L3MBTL4: variants seen among roughly 807,000 people sequenced by gnomAD.
The protein encoded by L3MBTL4 is lethal(3)malignant brain tumor-like protein 4.
Under a neutral mutation model 84.5 loss-of-function variants are expected in L3MBTL4, and 70 were observed. The ratio of observed to expected loss-of-function variants is 0.83; its 90% CI spans 0.68 to 1.01. The LOEUF is 1.01. Ranked by LOEUF, L3MBTL4 falls within the 50% of genes least tolerant of loss-of-function variation. The pLI, the probability that L3MBTL4 is intolerant of heterozygous loss-of-function variation, is 0.00. For missense variants in L3MBTL4, 715 were observed against 754.8 expected, an observed-to-expected ratio of 0.95 and a Z score of 0.62; for synonymous variants, 274 against 259.8, an observed-to-expected ratio of 1.05 and a Z score of -0.52.
intron 16 of L3MBTL4, chr18:6,031,137 A>C (rs2055779702): frequency 1.0e-6 from 1 of 985,324 alleles, no homozygotes; most frequent in African/African-American, 1.7e-5. Context: ...TCCAAGTTCT[A>C]AACCCAGCTC....
At chr18:6,106,277 C>A (rs2059003524) in intron 14 of L3MBTL4, among the ~76,000 whole-genome samples, 1 of 152,288 alleles carries the variant, frequency 6.6e-6, no homozygotes, top group Non-Finnish European at 1.5e-5. Flanking sequence ...ACACCTGGCA[C>A]AATGCCTTGT....
chr18:6,032,445 G>C (rs1036871543), intron 16 of L3MBTL4, among the ~76,000 whole-genome samples: 1 of 151,620 alleles, frequency 6.6e-6, no homozygotes, highest in African/African-American at 2.4e-5. Context: ...CAGGTCGAGG[G>C]GGGCAGAACT....
intron 1 of L3MBTL4, among the ~76,000 whole-genome samples, chr18:6,377,834 A>G (rs544580461): frequency 6.6e-6 from 1 of 152,320 alleles, no homozygotes; most frequent in East Asian, 1.9e-4. Flanking sequence ...TTGAGTATAT[A>G]CCCAGTAATG....
intron 13 of L3MBTL4, among the ~76,000 whole-genome samples, chr18:6,154,156 A>G (rs2043005428): frequency 6.6e-6 from 1 of 152,156 alleles, no homozygotes; most frequent in East Asian, 1.9e-4. Flanking sequence ...TATCTGGATG[A>G]TCTATCCACT....
intron 16 of L3MBTL4, chr18:6,046,830 C>G: frequency 1.3e-6 from 1 of 741,026 alleles, no homozygotes; most frequent in Non-Finnish European, 2.5e-6. Context: ...AATCTAATAT[C>G]ACATCTAGAG....
At chr18:6,242,843 C>T (rs960431632) in intron 7 of L3MBTL4, among the ~76,000 whole-genome samples, 1 of 152,168 alleles carries the variant, frequency 6.6e-6, no homozygotes, top group Non-Finnish European at 1.5e-5. Flanking sequence ...TCATTCCCAT[C>T]GAAAGAAAAT....
chr18:6,384,864 G>A (rs1460053135), intron 1 of L3MBTL4, among the ~76,000 whole-genome samples: 2 of 152,172 alleles, frequency 1.3e-5, no homozygotes, highest in African/African-American at 4.8e-5. Context: ...GGGACAAGAA[G>A]AGCAAGAGGT....
chr18:6,369,504 T>C (rs1332322558), intron 1 of L3MBTL4, among the ~76,000 whole-genome samples: 2 of 152,078 alleles, frequency 1.3e-5, no homozygotes, highest in Non-Finnish European at 2.9e-5. Context: ...AAGGAGAATA[T>C]TTAGAAGGGA....
At chr18:6,343,951 A>G (rs1002626827) in intron 1 of L3MBTL4, among the ~76,000 whole-genome samples, 2 of 151,250 alleles carry the variant, frequency 1.3e-5, no homozygotes, top group African/African-American at 2.4e-5. Context: ...CAAAATAAGA[A>G]TGATGTCAAA....
intron 4 of L3MBTL4, among the ~76,000 whole-genome samples, chr18:6,286,912 AAGG>A (rs1341512222): frequency 1.3e-5 from 2 of 152,240 alleles, no homozygotes; most frequent in East Asian, 1.9e-4. Context: ...CTCTGTTCAC[AAGG>A]GTTCTTTTCA....
intron 3 of L3MBTL4, among the ~76,000 whole-genome samples, chr18:6,305,459 C>T (rs2050540709): frequency 6.6e-6 from 1 of 152,098 alleles, no homozygotes; most frequent in African/African-American, 2.4e-5. Flanking sequence ...TATTAATGAA[C>T]AGAGAGTGAA....
At chr18:6,118,373 T>C (rs2059423503) in intron 14 of L3MBTL4, among the ~76,000 whole-genome samples, 1 of 152,102 alleles carries the variant, frequency 6.6e-6, no homozygotes, top group African/African-American at 2.4e-5. Context: ...CTCAACTGGA[T>C]CCAGAGATGT....
intron 13 of L3MBTL4, among the ~76,000 whole-genome samples, chr18:6,163,332 C>T (rs969675736): frequency 1.4e-5 from 2 of 139,804 alleles, no homozygotes; most frequent in Non-Finnish European, 3.0e-5. Flanking sequence ...TTTGCTTTCA[C>T]AATAGGGGCA....
intron 16 of L3MBTL4, among the ~76,000 whole-genome samples, chr18:6,019,461 A>G (rs909717489): frequency 1.3e-5 from 2 of 152,230 alleles, no homozygotes; most frequent in Admixed American, 1.3e-4. Flanking sequence ...TTTTAGTCAC[A>G]TTCAAGAAAT....
At chr18:6,191,569 G>A (rs1488868805) in intron 12 of L3MBTL4, among the ~76,000 whole-genome samples, 1 of 152,170 alleles carries the variant, frequency 6.6e-6, no homozygotes, top group African/African-American at 2.4e-5. Flanking sequence ...GACTGATATA[G>A]GAGTTTGCAG....
At chr18:6,276,469 G>A (rs2146529697) in intron 4 of L3MBTL4, among the ~76,000 whole-genome samples, 1 of 152,240 alleles carries the variant, frequency 6.6e-6, no homozygotes, top group East Asian at 1.9e-4. Flanking sequence ...GGAGGAACTA[G>A]ATAACTATCA....
intron 16 of L3MBTL4, among the ~76,000 whole-genome samples, chr18:6,011,439 A>G (rs2054733364): frequency 6.6e-6 from 1 of 152,214 alleles, no homozygotes; most frequent in Non-Finnish European, 1.5e-5. Flanking sequence ...TATGGAATTC[A>G]AGGGAAAATT....
At chr18:6,041,175 G>A (rs963753674) in intron 16 of L3MBTL4, among the ~76,000 whole-genome samples, 25 of 152,312 alleles carry the variant, frequency 1.6e-4, no homozygotes, top group Admixed American at 5.9e-4. Flanking sequence ...AGATGGGGGC[G>A]GACTGCCCAG....
chr18:6,391,543 A>T (rs1366752413), intron 1 of L3MBTL4, among the ~76,000 whole-genome samples: 1 of 152,072 alleles, frequency 6.6e-6, no homozygotes, highest in African/African-American at 2.4e-5. Context: ...GAGTCAAACT[A>T]ACACTGTTCA....
Sources: allele counts gnomAD v4.1 joint callset (sites outside exome capture counted in the v4.1 genomes callset), GRCh38; gene constraint gnomAD v4.1.1; transcripts MANE v1.5; gene names NCBI Gene and HGNC (gene_info 2026-07-23, HGNC 2026-07-21).